Variants in NOS1AP observed in about 807,000 individuals in gnomAD.
The protein encoded by NOS1AP is carboxyl-terminal PDZ ligand of neuronal nitric oxide synthase protein.
NOS1AP carries 21 observed loss-of-function variants against 56.2 expected under a neutral mutation model. The ratio of observed to expected loss-of-function variants is 0.37; its 90% CI spans 0.26 to 0.54. NOS1AP has a LOEUF of 0.54. Ranked by LOEUF, NOS1AP falls within the 20% of genes least tolerant of loss-of-function variation. The pLI is 0.84. For synonymous variants in NOS1AP, 270 were observed against 274.6 expected, an observed-to-expected ratio of 0.98 and a Z score of 0.17; for missense variants, 522 against 657.8, an observed-to-expected ratio of 0.79 and a Z score of 2.26.
intron 2 of NOS1AP, among the ~76,000 whole-genome samples, chr1:162,278,620 G>T (rs1399435801): frequency 6.6e-6 from 1 of 150,972 alleles, no homozygotes; most frequent in Non-Finnish European, 1.5e-5. Context: ...GTAAATCCTT[G>T]ATTCATGACT....
rs1204826728 is a variant in NOS1AP at position 162,069,881 on chromosome 1, G to C, written c.-297G>C. On this transcript the variant is annotated 5_prime_UTR_variant, in exon 1 of 10. Transcript: ENST00000361897. The stretch of plus-strand genomic sequence containing the variant: ...CAAGCCCCACCGCTCCCCTCCCCGG[G>C]CAGGGGCGCCGCGCAGCCCGCTCCC... The C allele has an allele frequency of 5.9e-6, 1 of 169,878 alleles. No individual in the cohort carries two copies. The highest frequency in any genetic ancestry group is 1.3e-5 in the Non-Finnish European group (1 of 79,930). 10.5% of individuals were successfully genotyped at this position (169,878 alleles called of 1,614,324 possible). A position where few individuals can be genotyped will look rare whatever the true frequency, so the allele number is the denominator to read the frequency against.
At chr1:162,269,912 A>G (rs1654534705) in intron 2 of NOS1AP, among the ~76,000 whole-genome samples, 1 of 152,230 alleles carries the variant, frequency 6.6e-6, no homozygotes, top group Non-Finnish European at 1.5e-5. Context: ...AACTAAAATA[A>G]CTTGTCACAG....
intron 4 of NOS1AP, among the ~76,000 whole-genome samples, chr1:162,312,980 T>C (rs1343687798): frequency 2.0e-5 from 3 of 151,914 alleles, no homozygotes; most frequent in Non-Finnish European, 4.4e-5. Flanking sequence ...GGGACGTATT[T>C]CAAAATAATG....
chr1:162,360,727 G>A (rs901965422), intron 8 of NOS1AP: 1 of 444,274 alleles, frequency 2.3e-6, no homozygotes, highest in Admixed American at 2.4e-5. Context: ...GCTTCTCCCA[G>A]TCCCCAGCAC....
chr1:162,119,255 T>C lies in NOS1AP; in HGVS notation c.106-35150T>C, dbSNP rs550320731. Among the ~76,000 whole-genome samples, 51 of 152,270 alleles carry C rather than the reference T, an allele frequency of 3.3e-4. 1 individual carries two copies. The highest frequency in any genetic ancestry group is 1.2e-3 in the African/African-American group (51 of 41,550). Reference sequence around the variant, plus strand: ...CAGCAAGAGCTCTGGAGAAAGTCTCTCCAGGCATTCTAGAGAGTCTTTACT... The same window carrying C: ...CAGCAAGAGCTCTGGAGAAAGTCTCCCCAGGCATTCTAGAGAGTCTTTACT... On this transcript the variant is annotated intron_variant, in intron 1 of 9. Transcript: ENST00000361897.
At position 162,248,918 on chromosome 1, in the gene NOS1AP, A is replaced by AC. The variant is rs536325243; in HGVS notation, c.178-38418dup. ...GTTTCCTTCTCCATCAAACCACAGCACCCCCCCCTTTCCTTTTATCAAGGG... is the reference window on the plus strand; with the variant it reads ...GTTTCCTTCTCCATCAAACCACAGCACCCCCCCCCTTTCCTTTTATCAAGGG... On this transcript the variant is annotated intron_variant, in intron 2 of 9. Transcript: ENST00000361897. Among the ~76,000 whole-genome samples the AC allele has an allele frequency of 7.1e-3, 1,073 of 150,196 alleles. 19 individuals carry two copies. Among genetic ancestry groups the AC allele is most frequent in the African/African-American group, 0.023 (949 of 40,758 alleles).
intron 2 of NOS1AP, among the ~76,000 whole-genome samples, chr1:162,246,611 T>G (rs1281711925): frequency 1.3e-5 from 2 of 152,156 alleles, no homozygotes; most frequent in Non-Finnish European, 2.9e-5. Flanking sequence ...TATAATATAT[T>G]AGAAATAATA....
intron 2 of NOS1AP, among the ~76,000 whole-genome samples, chr1:162,163,434 A>T (rs1650324818): frequency 6.6e-6 from 1 of 152,170 alleles, no homozygotes; most frequent in South Asian, 2.1e-4. Flanking sequence ...GAAAAAATAA[A>T]TTGACTTCCC....
At chr1:162,261,536 GAGA>G (rs759838686) in intron 2 of NOS1AP, among the ~76,000 whole-genome samples, 693 of 42,066 alleles carry the variant, frequency 0.016, 296 homozygotes, top group Non-Finnish European at 0.031. Context: ...GAGAGAGAGA[GAGA>G]GAGAGAGCAA....
chr1:162,133,845 A>G (rs1648862949), intron 1 of NOS1AP, among the ~76,000 whole-genome samples: 1 of 152,082 alleles, frequency 6.6e-6, no homozygotes, highest in Non-Finnish European at 1.5e-5. Flanking sequence ...GTATTTATAG[A>G]TTGTTGTTAT....
chr1:162,074,085 T>C (rs1280829379), intron 1 of NOS1AP, among the ~76,000 whole-genome samples: 3 of 152,236 alleles, frequency 2.0e-5, no homozygotes, highest in Non-Finnish European at 4.4e-5. Context: ...TGATTTGCAT[T>C]GGACTTCTAC....
chr1:162,142,752 G>T (rs955938808), intron 1 of NOS1AP, among the ~76,000 whole-genome samples: 3 of 152,146 alleles, frequency 2.0e-5, no homozygotes, highest in African/African-American at 4.8e-5. Context: ...ATTAATAGTA[G>T]TCTGGAGCCA....
intron 1 of NOS1AP, among the ~76,000 whole-genome samples, chr1:162,088,467 C>T (rs1413870430): frequency 6.6e-6 from 1 of 152,172 alleles, no homozygotes. Flanking sequence ...AGAATAAGGA[C>T]ATTTGTGAGC....
chr1:162,204,745 A>G (rs1652108113), intron 2 of NOS1AP, among the ~76,000 whole-genome samples: 1 of 152,242 alleles, frequency 6.6e-6, no homozygotes, highest in Non-Finnish European at 1.5e-5. Context: ...AGAAATGTGT[A>G]TGTCTAGCTT....
intron 1 of NOS1AP, among the ~76,000 whole-genome samples, chr1:162,144,924 C>T (rs186461228): frequency 2.6e-5 from 4 of 152,282 alleles, no homozygotes; most frequent in East Asian, 1.9e-4. Flanking sequence ...CTGGTTGGAT[C>T]GTTCTGTCTT....
intron 1 of NOS1AP, among the ~76,000 whole-genome samples, chr1:162,124,511 C>T (rs149513849): frequency 8.4e-6 from 1 of 118,616 alleles, no homozygotes; most frequent in Non-Finnish European, 1.7e-5. Flanking sequence ...GTGTGTGACA[C>T]ACACACACAC....
chr1:162,093,391 C>T (rs557570395), intron 1 of NOS1AP, among the ~76,000 whole-genome samples: 79 of 152,214 alleles, frequency 5.2e-4, no homozygotes, highest in African/African-American at 1.9e-3. Context: ...GCTTGGTATA[C>T]CCTGTGGACT....
chr1:162,100,749 T>A (rs930480180), intron 1 of NOS1AP, among the ~76,000 whole-genome samples: 3 of 152,218 alleles, frequency 2.0e-5, no homozygotes, highest in African/African-American at 7.2e-5. Flanking sequence ...GAGAAGTGTA[T>A]GTTCATGTCC....
chr1:162,319,159 C>T (rs1656328364), intron 4 of NOS1AP, among the ~76,000 whole-genome samples: 3 of 152,152 alleles, frequency 2.0e-5, no homozygotes, highest in African/African-American at 4.8e-5. Context: ...CAACAGCTCC[C>T]CTGTTTGTAG....
Sources: allele counts gnomAD v4.1 joint callset (sites outside exome capture counted in the v4.1 genomes callset), GRCh38; gene constraint gnomAD v4.1.1; transcripts MANE v1.5; gene names NCBI Gene and HGNC (gene_info 2026-07-23, HGNC 2026-07-21).